The following IQCM variants were observed in gnomAD, a reference collection of about 807,000 sequenced individuals.
IQCM encodes the protein IQ domain-containing protein M.
In IQCM, 45 loss-of-function variants were observed where a neutral mutation model predicts 57.6. That is an observed-to-expected ratio of 0.78 (90% CI 0.62 to 1.00). The LOEUF is 1.00. IQCM is among the 50% of genes least tolerant of loss of function. The probability of loss-of-function intolerance (pLI) is 0.00; values close to 1 mark genes in which losing one functional copy is unlikely to be tolerated. For missense variants in IQCM, 468 were observed against 511.6 expected, an observed-to-expected ratio of 0.91 and a Z score of 0.82; for synonymous variants, 148 against 158.9, an observed-to-expected ratio of 0.93 and a Z score of 0.51.
At chr4:149,646,744 G>A (rs1247336016) in intron 7 of IQCM, among the ~76,000 whole-genome samples, 1 of 152,184 alleles carries the variant, frequency 6.6e-6, no homozygotes, top group Admixed American at 6.5e-5. Flanking sequence ...AGCGCTTTGG[G>A]AGGCTGAGGC....
chr4:149,436,086 C>T (rs1221380010), intron 12 of IQCM, among the ~76,000 whole-genome samples: 1 of 152,034 alleles, frequency 6.6e-6, no homozygotes, highest in Non-Finnish European at 1.5e-5. Context: ...CCTTCACATT[C>T]ACTCACCAAC....
chr4:149,620,718 A>G (rs1168868066), intron 8 of IQCM, among the ~76,000 whole-genome samples: 1 of 152,236 alleles, frequency 6.6e-6, no homozygotes, highest in Non-Finnish European at 1.5e-5. Context: ...ACATGTGGTC[A>G]TAAAATTGCC....
intron 5 of IQCM, among the ~76,000 whole-genome samples, chr4:149,689,882 G>A (rs1368988778): frequency 6.6e-6 from 1 of 151,316 alleles, no homozygotes; most frequent in African/African-American, 2.4e-5. Context: ...CAATGTGAAA[G>A]AACAGCCATA....
At chr4:149,546,504 T>C (rs904520393) in intron 12 of IQCM, among the ~76,000 whole-genome samples, 4 of 152,238 alleles carry the variant, frequency 2.6e-5, no homozygotes, top group Non-Finnish European at 4.4e-5. Flanking sequence ...ATTTTAATGA[T>C]TGCCATTCTA....
At chr4:149,461,065 T>C (rs1309517875) in intron 12 of IQCM, among the ~76,000 whole-genome samples, 1 of 151,832 alleles carries the variant, frequency 6.6e-6, no homozygotes, top group East Asian at 1.9e-4. Flanking sequence ...AGAAACCCAG[T>C]CTCTACTAAA....
At chr4:149,730,653 T>C (rs1373314271) in intron 5 of IQCM, among the ~76,000 whole-genome samples, 1 of 152,246 alleles carries the variant, frequency 6.6e-6, no homozygotes, top group East Asian at 1.9e-4. Context: ...CACTTATTTA[T>C]CTTTCAAAAT....
At chr4:149,396,087 T>A (rs1039909416) in intron 13 of IQCM, among the ~76,000 whole-genome samples, 3 of 151,898 alleles carry the variant, frequency 2.0e-5, no homozygotes, top group African/African-American at 7.2e-5. Flanking sequence ...ATGTCTAATA[T>A]TTGCATTTTA....
chr4:149,603,966 C>T (rs910567109), intron 8 of IQCM, among the ~76,000 whole-genome samples: 3 of 152,098 alleles, frequency 2.0e-5, no homozygotes, highest in Admixed American at 1.3e-4. Flanking sequence ...ACTACTGCCA[C>T]CACTACTGTT....
In IQCM at chr4:149,553,181, T is replaced by G. The variant is rs1408227865; in HGVS notation, c.1055A>C (p.Asn352Thr). The change falls in exon 11 of 14, where the codon AAC becomes ACC. Residue 352 changes from asparagine to threonine, a missense_variant. Physicochemically the swap from Asn to Thr is moderately conservative, Grantham distance 65 (BLOSUM62 0). Transcript: ENST00000636793. The part of the protein sequence containing the change: ...RGLWRTRQIL[N>T]LAELEEWMDR... ...CATCCACTCCTCTAGCTCTGCTAAGTTGAGAATTTGTCTTGTCCTCCAAAG... is the reference window on the plus strand; with the variant it reads ...CATCCACTCCTCTAGCTCTGCTAAGGTGAGAATTTGTCTTGTCCTCCAAAG... 8.1e-7 allele frequency: 1 copy of G among 1,231,922 alleles called. No individual in the cohort carries two copies. Among genetic ancestry groups the G allele is most frequent in the Admixed American group, 4.2e-5 (1 of 23,694 alleles). The allele number at this position is 1,231,922 out of a possible 1,614,324, so 76.3% of individuals were successfully genotyped here.
chr4:149,534,532 G>T (rs1747087793), intron 12 of IQCM, among the ~76,000 whole-genome samples: 1 of 152,054 alleles, frequency 6.6e-6, no homozygotes, highest in African/African-American at 2.4e-5. Context: ...TCAGCCAAAA[G>T]GATGTTTGGA....
At chr4:149,373,473 T>C (rs1730500896) in intron 13 of IQCM, among the ~76,000 whole-genome samples, 1 of 152,128 alleles carries the variant, frequency 6.6e-6, no homozygotes, top group Non-Finnish European at 1.5e-5. Flanking sequence ...ATTTTAAGAA[T>C]GAGAAAACGA....
rs1762393540 is a variant in IQCM, at chr4:149,684,182, T to C, written c.477-1976A>G. 4.6e-5 allele frequency among the ~76,000 whole-genome samples: 7 copies of C among 151,506 alleles called. 1 individual carries two copies. In the South Asian group the frequency reaches 1.5e-3, roughly 31 times the overall value. ...GAGTATTTTAATGTAGGGAAATCTT[T>C]GAATTTAGAATTCAAAGGTACACTG... On this transcript the variant is annotated intron_variant, in intron 6 of 13. Transcript: ENST00000636793.
chr4:149,495,000 G>T (rs1742505705), intron 12 of IQCM, among the ~76,000 whole-genome samples: 1 of 152,072 alleles, frequency 6.6e-6, no homozygotes, highest in Non-Finnish European at 1.5e-5. Context: ...TGGAGGTAAT[G>T]CCAGAAAGGA....
At chr4:149,612,885 A>AT (rs1308270194) in intron 8 of IQCM, among the ~76,000 whole-genome samples, 1 of 152,128 alleles carries the variant, frequency 6.6e-6, no homozygotes, top group East Asian at 1.9e-4. Context: ...CAAAACATAG[A>AT]TAAGAATTAA....
chr4:149,440,726 T>C (rs1193623776), intron 12 of IQCM, among the ~76,000 whole-genome samples: 1 of 152,140 alleles, frequency 6.6e-6, no homozygotes, highest in Non-Finnish European at 1.5e-5. Context: ...TTTTTTGAAA[T>C]GAATTCCAAA....
chr4:149,354,681 A>C (rs538291195), intron 13 of IQCM, among the ~76,000 whole-genome samples: 5 of 152,224 alleles, frequency 3.3e-5, no homozygotes, highest in African/African-American at 1.2e-4. Flanking sequence ...TAAGGGCCCA[A>C]GTTCATGTTC....
At chr4:149,575,263 C>T (rs1182779960) in intron 9 of IQCM, among the ~76,000 whole-genome samples, 10 of 151,988 alleles carry the variant, frequency 6.6e-5, no homozygotes, top group Non-Finnish European at 1.2e-4. Context: ...AGTTTGAAAA[C>T]AATGCATTAA....
intron 13 of IQCM, among the ~76,000 whole-genome samples, chr4:149,406,112 T>C (rs1402959589): frequency 6.6e-6 from 1 of 151,882 alleles, no homozygotes; most frequent in Non-Finnish European, 1.5e-5. Flanking sequence ...GTTTGCTTCC[T>C]TGAAGAAAAT....
At chr4:149,498,590 T>TATCTCG (rs1176690197) in intron 12 of IQCM, among the ~76,000 whole-genome samples, 2 of 152,074 alleles carry the variant, frequency 1.3e-5, no homozygotes, top group African/African-American at 4.8e-5. Context: ...GTAGGAACCA[T>TATCTCG]ATCTCGATCA....
Sources: gnomAD v4.1 joint callset for allele counts (sites outside exome capture counted in the v4.1 genomes callset) on GRCh38, gnomAD v4.1.1 for gene constraint, MANE v1.5 for transcripts, NCBI Gene and HGNC (gene_info 2026-07-23, HGNC 2026-07-21) for gene names.